ABLIM2: variants seen among roughly 807,000 people sequenced by gnomAD.
ABLIM2 encodes actin-binding LIM protein 2.
In ABLIM2, 53 loss-of-function variants were observed where a neutral mutation model predicts 97.7. The ratio of observed to expected loss-of-function variants is 0.54; its 90% CI spans 0.44 to 0.68. The LOEUF is 0.68. Ranked by LOEUF, ABLIM2 falls within the 30% of genes least tolerant of loss-of-function variation. ABLIM2 has a pLI of 0.00. For synonymous variants in ABLIM2, 361 were observed against 345.8 expected, an observed-to-expected ratio of 1.04 and a Z score of -0.49; for missense variants, 835 against 867.2, an observed-to-expected ratio of 0.96 and a Z score of 0.47.
chr4:8,111,230 G>A (rs1002917437), intron 1 of ABLIM2, among the ~76,000 whole-genome samples: 8 of 152,234 alleles, frequency 5.3e-5, no homozygotes, highest in African/African-American at 9.6e-5. Flanking sequence ...CTGCTAGCTG[G>A]AAGAAGCCTG....
chr4:8,090,762 T>C (rs1017169664), intron 3 of ABLIM2, among the ~76,000 whole-genome samples: 1 of 149,242 alleles, frequency 6.7e-6, no homozygotes, highest in East Asian at 1.9e-4. Context: ...TTTGGTGTTT[T>C]GTCAGCCTCG....
chr4:7,992,925 A>G lies in ABLIM2; in HGVS notation c.1621T>C (p.Phe541Leu), dbSNP rs1429055649. 6.2e-7 allele frequency: 1 copy of G among 1,612,734 alleles called. No homozygotes were observed. The highest frequency in any genetic ancestry group is 1.3e-5 in the African/African-American group (1 of 74,888). Residue 541 changes from phenylalanine to leucine, a missense_variant and splice_region_variant, in exon 17 of 21, where the codon TTC (phenylalanine) becomes CTC (leucine). Phe to Leu is a conservative substitution (Grantham distance 22). Coordinates refer to ENST00000447017, the MANE Select transcript of ABLIM2 (RefSeq NM_001130083.2). This position sits in a 1 kb window ranked among gnomAD's most constrained non-coding sequence, Gnocchi z 5.7. The part of the protein sequence containing the change: ...RMAGDSFHSR[F>L]PYSKSDPLPG... ...AGAGGGTCAGATTTGGAATAGGGGA[A>G]TCCTGAAACAGACACAGCACAGCTT...
chr4:7,979,159 T>C (rs553450447), intron 20 of ABLIM2, among the ~76,000 whole-genome samples: 5 of 152,350 alleles, frequency 3.3e-5, no homozygotes, highest in African/African-American at 9.6e-5. Flanking sequence ...TTTGGTGGCC[T>C]TTCCTCTTCT....
At chr4:8,092,865 T>C (rs1038750609) in intron 3 of ABLIM2, among the ~76,000 whole-genome samples, 1 of 152,164 alleles carries the variant, frequency 6.6e-6, no homozygotes, top group Admixed American at 6.5e-5. Flanking sequence ...AAAAGTTTTT[T>C]TGAGATGGAG....
chr4:8,080,579 A>C lies in ABLIM2; in HGVS notation c.581+97T>G, dbSNP rs975901523. The C allele has an allele frequency of 9.7e-6, 13 of 1,343,120 alleles. No individual in the cohort carries two copies. The East Asian group carries it at 2.9e-4, about 29-fold the overall frequency. 83.2% of individuals were successfully genotyped at this position (1,343,120 alleles called of 1,614,324 possible). A position where few individuals can be genotyped will look rare whatever the true frequency, so the allele number is the denominator to read the frequency against. On this transcript the variant is annotated intron_variant, in intron 5 of 20. Transcript: ENST00000447017. ...GCTGTGTGAGGAATAGGAGAGACAC[A>C]GAGAGGGTGGCGCTGGGGACACGTG...
In ABLIM2 at chr4:8,095,181, G is replaced by A. The variant is rs1349637715; in HGVS notation, c.338+1918C>T. Among the ~76,000 whole-genome samples the A allele has an allele frequency of 6.6e-6, 1 of 151,526 alleles. No homozygotes were observed. The highest frequency in any genetic ancestry group is 1.5e-5 in the Non-Finnish European group (1 of 67,968). ...AGCAGTGGTGCAATCATAGCTCACT[G>A]CAGCCTCAAAATCCTGGGCCCAAGC... On this transcript the variant is annotated intron_variant, in intron 3 of 20. Coordinates refer to ENST00000447017, the MANE Select transcript of ABLIM2 (RefSeq NM_001130083.2). The surrounding 1 kb of genome is among the most constrained non-coding windows in gnomAD (Gnocchi z 4.7).
rs1213062114 is a variant in ABLIM2, at chr4:8,125,082, T to G, written c.11-18445A>C. ...TTCAGCTTGGTTGTCTTGATAGGAT[T>G]GAGGGATGAGAGTTATTCGTATATT... On this transcript the variant is annotated intron_variant, in intron 1 of 20. Transcript: ENST00000447017. The surrounding 1 kb of genome is among the most constrained non-coding windows in gnomAD (Gnocchi z 6.2). 6.6e-6 allele frequency among the ~76,000 whole-genome samples: 1 copy of G among 152,210 alleles called. No individual in the cohort carries two copies. The highest frequency in any genetic ancestry group is 2.4e-5 in the African/African-American group (1 of 41,442).
chr4:8,100,050 C>G (rs761181720), intron 2 of ABLIM2, among the ~76,000 whole-genome samples: 1 of 152,166 alleles, frequency 6.6e-6, no homozygotes, highest in African/African-American at 2.4e-5. Flanking sequence ...TTTGGGCACA[C>G]GCTGTGTTCA....
intron 20 of ABLIM2, 134 bp from the exon 21 acceptor site, chr4:7,967,237 C>T: frequency 2.7e-6 from 2 of 735,078 alleles, no homozygotes; most frequent in South Asian, 3.2e-5. Flanking sequence ...CGTGCTCGGC[C>T]TCCTGGCGGT....
chr4:8,054,639 G>A lies in ABLIM2; in HGVS notation c.764-393C>T, dbSNP rs1330304779. Reference sequence around the variant, plus strand: ...AGGATGTAGGATTGGCTGCCTGCATGTTGAGGGCAATGGCTGGGCCCACCT... The same window carrying A: ...AGGATGTAGGATTGGCTGCCTGCATATTGAGGGCAATGGCTGGGCCCACCT... On this transcript the variant is annotated intron_variant, in intron 7 of 20. Transcript: ENST00000447017. The surrounding 1 kb of genome is among the most constrained non-coding windows in gnomAD (Gnocchi z 4.9). Among the ~76,000 whole-genome samples, 2 of 152,376 alleles carry A rather than the reference G, an allele frequency of 1.3e-5. No homozygotes were observed. Among genetic ancestry groups the A allele is most frequent in the East Asian group, 1.9e-4 (1 of 5,192 alleles).
In ABLIM2 at chr4:8,120,167, C is replaced by T. The variant is rs1386480140; in HGVS notation, c.11-13530G>A. Among the ~76,000 whole-genome samples, 1 of 152,122 alleles carries T rather than the reference C, an allele frequency of 6.6e-6. No individual in the cohort carries two copies. Among genetic ancestry groups the T allele is most frequent in the African/African-American group, 2.4e-5 (1 of 41,432 alleles). The stretch of plus-strand genomic sequence containing the variant: ...AAAAACAGCCCAGCGGCCACGCTGC[C>T]CCTTCCTCCCAGAAGAGGACGTGGC... On this transcript the variant is annotated intron_variant, in intron 1 of 20. Transcript: ENST00000447017. The surrounding 1 kb of genome is among the most constrained non-coding windows in gnomAD (Gnocchi z 5.6).
Position 8,044,452 on chromosome 4 carries a change from TATAC to T in ABLIM2, c.900+708_900+711del, listed in dbSNP as rs536198562. The stretch of plus-strand genomic sequence containing the variant: ...TACAATATTAAATATTAAATTTACA[TATAC>T]ATATGTATATGTATGTATACATATA... On this transcript the variant is annotated intron_variant, in intron 9 of 20. Transcript: ENST00000447017. This position sits in a 1 kb window ranked among gnomAD's most constrained non-coding sequence, Gnocchi z 4.4. Among the ~76,000 whole-genome samples the T allele has an allele frequency of 9.9e-5, 15 of 151,928 alleles. No homozygotes were observed. The highest frequency in any genetic ancestry group is 3.1e-4 in the African/African-American group (13 of 41,460).
intron 9 of ABLIM2, among the ~76,000 whole-genome samples, chr4:8,039,576 C>T (rs1481637605): frequency 6.6e-6 from 1 of 152,178 alleles, no homozygotes; most frequent in African/African-American, 2.4e-5. Flanking sequence ...TTCCTCTTTG[C>T]CTTCTTCCTT....
In ABLIM2 at chr4:8,087,378, A is replaced by G. The variant is rs1344785971; in HGVS notation, c.454+791T>C. Among the ~76,000 whole-genome samples, 1 of 151,440 alleles carries G rather than the reference A, an allele frequency of 6.6e-6. No individual in the cohort carries two copies. Among genetic ancestry groups the G allele is most frequent in the Admixed American group, 6.6e-5 (1 of 15,038 alleles). On this transcript the variant is annotated intron_variant, in intron 4 of 20. Transcript: ENST00000447017. The surrounding 1 kb of genome is among the most constrained non-coding windows in gnomAD (Gnocchi z 4.6). ...GCAAACCCCTGACACTTCGGCTGGCATTTGTTTTTTTTCCACACTAACAAC... is the reference window on the plus strand; with the variant it reads ...GCAAACCCCTGACACTTCGGCTGGCGTTTGTTTTTTTTCCACACTAACAAC...
chr4:8,129,936 C>T (rs1004379101), intron 1 of ABLIM2, among the ~76,000 whole-genome samples: 2 of 152,246 alleles, frequency 1.3e-5, no homozygotes, highest in Non-Finnish European at 2.9e-5. Context: ...GAGCCAACTG[C>T]ACCAGCCCAG....
chr4:8,097,590 A>G (rs919131360), intron 2 of ABLIM2, among the ~76,000 whole-genome samples: 3 of 152,126 alleles, frequency 2.0e-5, no homozygotes, highest in African/African-American at 7.2e-5. Context: ...GAGTGCCCCC[A>G]GCCTCTGTGA....
intron 3 of ABLIM2, 91 bp downstream of exon 3, chr4:8,097,008 A>G: frequency 7.0e-7 from 1 of 1,425,512 alleles, no homozygotes; most frequent in Non-Finnish European, 9.4e-7. Context: ...GGGTCACGGG[A>G]GGGAGCAGGA....
At chr4:7,984,745 G>T in intron 18 of ABLIM2, 94 bp downstream of exon 18, 1 of 1,365,426 alleles carries the variant, frequency 7.3e-7, no homozygotes, top group Non-Finnish European at 1.0e-6. Flanking sequence ...GCCTTCTGCA[G>T]GCTGCGGATG....
chr4:8,000,553 G>T, intron 16 of ABLIM2, among the ~76,000 whole-genome samples: 1 of 152,264 alleles, frequency 6.6e-6, no homozygotes, highest in African/African-American at 2.4e-5. Context: ...TGTGGGTGGA[G>T]CAGCACCCTC....
Sources: allele counts gnomAD v4.1 joint callset (sites outside exome capture counted in the v4.1 genomes callset), GRCh38; gene constraint gnomAD v4.1.1; non-coding constraint Gnocchi (gnomAD v3.1); transcripts MANE v1.5; gene names NCBI Gene and HGNC (gene_info 2026-07-23, HGNC 2026-07-21).